The following PUS7L variants were observed in gnomAD, a reference collection of about 807,000 sequenced individuals.
PUS7L encodes the protein pseudouridylate synthase PUS7L.
A neutral mutation model predicts 51.1 loss-of-function variants in PUS7L; 49 were observed. The observed-to-expected ratio is 0.96, with a 90% CI of 0.76 to 1.22. PUS7L has a LOEUF of 1.22. Among genes scored for constraint, PUS7L ranks in the 50% most tolerant of loss-of-function variants. PUS7L has a pLI of 0.00. For missense variants in PUS7L, 828 were observed against 820.6 expected (o/e 1.01, Z -0.11); for synonymous variants, 277 against 276.2 (o/e 1.00, Z -0.03).
intron 4 of PUS7L, among the ~76,000 whole-genome samples, chr12:43,743,606 A>G (rs2137711131): frequency 6.6e-6 from 1 of 152,236 alleles, no homozygotes; most frequent in East Asian, 1.9e-4. Context: ...TACTAAAAAT[A>G]CAAAAAATTA....
intron 2 of PUS7L, 58 bp from the exon 3 acceptor site, chr12:43,748,667 T>C: frequency 1.6e-6 from 2 of 1,284,538 alleles, no homozygotes; most frequent in East Asian, 4.6e-5. Flanking sequence ...ATCAATTACA[T>C]TCTTAGCTAA....
intron 1 of PUS7L, among the ~76,000 whole-genome samples, chr12:43,755,865 G>A (rs1406880670): frequency 6.6e-6 from 1 of 152,208 alleles, no homozygotes; most frequent in African/African-American, 2.4e-5. Context: ...TCAAGGTTGA[G>A]CCAGAGGAAA....
At chr12:43,744,603 A>G (rs1276780629) in intron 4 of PUS7L, among the ~76,000 whole-genome samples, 1 of 152,208 alleles carries the variant, frequency 6.6e-6, no homozygotes, top group East Asian at 1.9e-4. Context: ...ATGGACTAAC[A>G]AAACATATAA....
At position 43,730,197 on chromosome 12, in the gene PUS7L, C is replaced by A; in HGVS notation, c.*179G>T. ...GGTCACATGGACCTTAAATTTGGAC[C>A]CTGACACTTACATATCCTCTATAAA... is the stretch of plus-strand genomic sequence containing the variant. On this transcript the variant is annotated 3_prime_UTR_variant, in exon 9 of 9. Coordinates refer to ENST00000344862, the MANE Select transcript of PUS7L (RefSeq NM_031292.5). 4 of 559,992 alleles carry A rather than the reference C, an allele frequency of 7.1e-6. No homozygotes were observed. The South Asian group carries it at 7.9e-5, about 11-fold the overall frequency. 34.7% of individuals were successfully genotyped at this position (559,992 alleles called of 1,614,324 possible).
intron 6 of PUS7L, among the ~76,000 whole-genome samples, 183 bp from the exon 7 acceptor site, chr12:43,736,844 T>G (rs2060297075): frequency 6.6e-6 from 1 of 151,172 alleles, no homozygotes; most frequent in South Asian, 2.1e-4. Context: ...AATATGGCCC[T>G]ACTTTCACTT....
chr12:43,739,334 A>G (rs1937772398), intron 5 of PUS7L: 1 of 152,312 alleles, frequency 6.6e-6, no homozygotes, highest in Non-Finnish European at 1.5e-5. Context: ...CATTAAAAAA[A>G]GAAGCCTCAG....
chr12:43,745,689 A>T lies in PUS7L; in HGVS notation c.1263+357T>A, dbSNP rs139671480. 9.9e-5 allele frequency among the ~76,000 whole-genome samples: 15 copies of T among 152,142 alleles called. No homozygotes were observed. The East Asian group carries it at 2.9e-3, about 29-fold the overall frequency. On this transcript the variant is annotated intron_variant, in intron 4 of 8. Coordinates refer to ENST00000344862, the MANE Select transcript of PUS7L (RefSeq NM_031292.5). ...ACAGTGTGTGTGATTTATAATGTGT[A>T]TACATCAAAATTTCCAAACAATAAA...
intron 6 of PUS7L, 29 bp from the exon 7 acceptor site, chr12:43,736,690 T>C (rs1050932957): frequency 1.9e-6 from 3 of 1,591,232 alleles, no homozygotes; most frequent in Non-Finnish European, 2.6e-6. Flanking sequence ...CAGGTATAGT[T>C]AGCCACTTTT....
intron 2 of PUS7L, among the ~76,000 whole-genome samples, chr12:43,752,979 G>T (rs900895176): frequency 6.6e-6 from 1 of 151,910 alleles, no homozygotes; most frequent in East Asian, 1.9e-4. Context: ...CACAACTTTA[G>T]AAAAGTGAAT....
chr12:43,757,795 G>A (rs1391244467), intron 1 of PUS7L, among the ~76,000 whole-genome samples: 1 of 152,174 alleles, frequency 6.6e-6, no homozygotes, highest in Non-Finnish European at 1.5e-5. Context: ...ATAGAAATGA[G>A]GCAGAGACCT....
intron 8 of PUS7L, 28 bp from the exon 9 acceptor site, chr12:43,730,730 G>A (rs1215041856): frequency 2.1e-6 from 3 of 1,432,784 alleles, no homozygotes; most frequent in Non-Finnish European, 1.9e-6. Flanking sequence ...GAAAAAATAT[G>A]AAAATAGCCT....
chr12:43,744,079 T>A (rs1397810845), intron 4 of PUS7L, among the ~76,000 whole-genome samples: 1 of 152,194 alleles, frequency 6.6e-6, no homozygotes, highest in Non-Finnish European at 1.5e-5. Flanking sequence ...AGCTGTATGT[T>A]CATAAATAAC....
At chr12:43,758,652 T>TGGGGGCC in intron 1 of PUS7L, 78 bp downstream of exon 1, 1 of 708,230 alleles carries the variant, frequency 1.4e-6, no homozygotes, top group Non-Finnish European at 1.6e-6. Context: ...GCCAACCTCG[T>TGGGGGCC]CACCCCCCCC....
chr12:43,758,437 C>T (rs769143631), intron 1 of PUS7L: 2 of 985,394 alleles, frequency 2.0e-6, no homozygotes, highest in African/African-American at 3.5e-5. Context: ...TGAGAAGGTA[C>T]TAGAAATACT....
intron 7 of PUS7L, among the ~76,000 whole-genome samples, chr12:43,734,416 C>T (rs894564481): frequency 4.6e-5 from 7 of 152,166 alleles, no homozygotes; most frequent in South Asian, 2.1e-4. Flanking sequence ...AATACAGCTG[C>T]GCCTGAATCA....
In PUS7L at chr12:43,748,437, A is replaced by G; in HGVS notation, c.1070+13T>C. On this transcript the variant is annotated intron_variant, in intron 3 of 8. Coordinates refer to ENST00000344862, the MANE Select transcript of PUS7L (RefSeq NM_031292.5). ...CAAAGTTTCTATCCTAAAATTTCTTAATATCTTATTACCTCTCTGGAGTCA... is the reference window on the plus strand; with the variant it reads ...CAAAGTTTCTATCCTAAAATTTCTTGATATCTTATTACCTCTCTGGAGTCA... The G allele has an allele frequency of 1.3e-6, 2 of 1,561,344 alleles. No homozygotes were observed. The highest frequency in any genetic ancestry group is 1.7e-6 in the Non-Finnish European group (2 of 1,159,776).
At chr12:43,731,060 A>G (rs1944542912) in intron 8 of PUS7L, among the ~76,000 whole-genome samples, 1 of 152,220 alleles carries the variant, frequency 6.6e-6, no homozygotes, top group Non-Finnish European at 1.5e-5. Context: ...TCTACTGCTC[A>G]GTCACATTAC....
In PUS7L at chr12:43,721,252, G is replaced by C. The variant is rs1944393982; in HGVS notation, c.*9124C>G. ...GGTTAGACTCTCTTTACAATCTAGA[G>C]GAAGCTACTTAACTTCTTCAAGCCC... On this transcript the variant is annotated 3_prime_UTR_variant, in exon 9 of 9. Coordinates refer to ENST00000344862, the MANE Select transcript of PUS7L (RefSeq NM_031292.5). The C allele has an allele frequency of 6.6e-6, 1 of 152,086 alleles. No homozygotes were observed. The highest frequency in any genetic ancestry group is 1.5e-5 in the Non-Finnish European group (1 of 67,996). The allele number at this position is 152,086 out of a possible 1,614,324, so 9.4% of individuals were successfully genotyped here.
At chr12:43,737,150 T>C (rs1937649423) in intron 6 of PUS7L, among the ~76,000 whole-genome samples, 1 of 152,222 alleles carries the variant, frequency 6.6e-6, no homozygotes, top group African/African-American at 2.4e-5. Flanking sequence ...CTTTGAAATG[T>C]AGATGACTGG....
Sources: gnomAD v4.1 joint callset for allele counts (sites outside exome capture counted in the v4.1 genomes callset) on GRCh38, gnomAD v4.1.1 for gene constraint, MANE v1.5 for transcripts, NCBI Gene and HGNC (gene_info 2026-07-23, HGNC 2026-07-21) for gene names.